Variants in GNB4 observed in about 807,000 individuals in gnomAD.
The protein encoded by GNB4 is G protein subunit beta 4.
GNB4 carries 28 observed loss-of-function variants against 45.2 expected under a neutral mutation model. That is an observed-to-expected ratio of 0.62 (90% CI 0.46 to 0.85). The LOEUF is 0.85. Among genes scored for constraint, GNB4 ranks in the 40% least tolerant of loss-of-function variants. The pLI is 0.00. For missense variants in GNB4, 321 were observed against 425.4 expected (o/e 0.75, Z 2.16); for synonymous variants, 132 against 143.7 (o/e 0.92, Z 0.58).
chr3:179,409,523 A>AC (rs112832798), intron 8 of GNB4, among the ~76,000 whole-genome samples: 28,484 of 146,936 alleles, frequency 0.19, 2,746 homozygotes, highest in Admixed American at 0.24. Context: ...AAAAACAAAA[A>AC]AAAAAAGGCC....
chr3:179,521,399 G>A, the GNB4 span, among the ~76,000 whole-genome samples: 14 of 152,138 alleles, frequency 9.2e-5, no homozygotes, highest in Non-Finnish European at 8.8e-5. Flanking sequence ...GCCTGTCCTC[G>A]GAATGCTACA....
the GNB4 span, among the ~76,000 whole-genome samples, chr3:179,481,305 T>C: frequency 5.9e-5 from 9 of 152,080 alleles, no homozygotes; most frequent in African/African-American, 1.9e-4. Flanking sequence ...AATGAGCGCC[T>C]GGCAAAGTTA....
At chr3:179,410,597 CCT>C (rs1460156233) in intron 8 of GNB4, 3 of 152,168 alleles carry the variant, frequency 2.0e-5, no homozygotes, top group Admixed American at 6.5e-5. Flanking sequence ...CAAACTTCCC[CCT>C]TTTATAAGGA....
At chr3:179,485,876 G>T in the GNB4 span, among the ~76,000 whole-genome samples, 1 of 152,008 alleles carries the variant, frequency 6.6e-6, no homozygotes, top group East Asian at 1.9e-4. Flanking sequence ...GGAGGTGAAG[G>T]TTGCAGTGAG....
the GNB4 span, among the ~76,000 whole-genome samples, chr3:179,486,252 G>A: frequency 6.7e-6 from 1 of 150,178 alleles, no homozygotes; most frequent in Non-Finnish European, 1.5e-5. Context: ...AAAGATGCAT[G>A]TTCTGTAATT....
chr3:179,408,962 A>G (rs1714560426), intron 8 of GNB4, among the ~76,000 whole-genome samples: 1 of 150,382 alleles, frequency 6.6e-6, no homozygotes, highest in Non-Finnish European at 1.5e-5. Context: ...CCTGGGCAAC[A>G]TGGCAAGACC....
the GNB4 span, among the ~76,000 whole-genome samples, chr3:179,527,396 A>G: frequency 1.3e-5 from 2 of 152,236 alleles, no homozygotes; most frequent in African/African-American, 4.8e-5. Flanking sequence ...ACACAAAAGT[A>G]GGAATTGAGA....
intron 3 of GNB4, 61 bp from the exon 4 acceptor site, chr3:179,419,566 A>C: frequency 9.8e-7 from 1 of 1,023,418 alleles, no homozygotes; most frequent in East Asian, 2.4e-5. Flanking sequence ...GATAACTTGA[A>C]CTAGAAACAG....
intron 8 of GNB4, among the ~76,000 whole-genome samples, chr3:179,408,505 TA>T (rs1309022397): frequency 7.9e-5 from 12 of 152,064 alleles, no homozygotes; most frequent in African/African-American, 2.2e-4. Flanking sequence ...AAAATCTGAT[TA>T]GGGGCTCGGT....
chr3:179,495,741 A>C, the GNB4 span, among the ~76,000 whole-genome samples: 1 of 152,152 alleles, frequency 6.6e-6, no homozygotes, highest in African/African-American at 2.4e-5. Flanking sequence ...AATACAGAGG[A>C]ACCCACATAA....
the GNB4 span, among the ~76,000 whole-genome samples, chr3:179,459,605 C>A: frequency 3.3e-5 from 5 of 151,764 alleles, no homozygotes; most frequent in African/African-American, 1.2e-4. Flanking sequence ...TCGCTTGAAC[C>A]TGGGAGGCAG....
chr3:179,452,332 C>G (rs1044533255), upstream of GNB4: 1 of 152,080 alleles, frequency 6.6e-6, no homozygotes, highest in Admixed American at 6.5e-5. Flanking sequence ...CATTTTTCCT[C>G]TCCCCACCCC....
At chr3:179,514,337 C>T in the GNB4 span, among the ~76,000 whole-genome samples, 11 of 152,272 alleles carry the variant, frequency 7.2e-5, no homozygotes, top group Admixed American at 3.9e-4. Flanking sequence ...AAGCAAACAA[C>T]GCTTGATGAA....
the GNB4 span, chr3:179,464,973 C>T: frequency 6.5e-7 from 1 of 1,543,468 alleles, no homozygotes; most frequent in South Asian, 1.1e-5. Flanking sequence ...ATGCCCATTG[C>T]AATGTTACTG....
At chr3:179,443,178 CAT>C (rs756215591) in intron 1 of GNB4, among the ~76,000 whole-genome samples, 5 of 152,184 alleles carry the variant, frequency 3.3e-5, no homozygotes, top group Admixed American at 6.5e-5. Flanking sequence ...AAAATGTTAA[CAT>C]GTGCAATTAC....
At chr3:179,431,623 T>C (rs1399414826) in intron 1 of GNB4, among the ~76,000 whole-genome samples, 3 of 152,212 alleles carry the variant, frequency 2.0e-5, no homozygotes, top group Non-Finnish European at 2.9e-5. Context: ...TTACTTCTTA[T>C]GGTACTGTTT....
chr3:179,508,957 G>A, the GNB4 span, among the ~76,000 whole-genome samples: 2 of 28,868 alleles, frequency 6.9e-5, no homozygotes, highest in Non-Finnish European at 1.2e-4. Flanking sequence ...TATATATATA[G>A]TCCCTGTAAT....
upstream of GNB4, among the ~76,000 whole-genome samples, chr3:179,453,019 A>G (rs557263840): frequency 1.3e-5 from 2 of 152,234 alleles, no homozygotes; most frequent in East Asian, 1.9e-4. Context: ...TTTTATCCCC[A>G]TTTTACAGAT....
At chr3:179,490,762 AG>A in the GNB4 span, among the ~76,000 whole-genome samples, 1 of 152,118 alleles carries the variant, frequency 6.6e-6, no homozygotes, top group South Asian at 2.1e-4. Flanking sequence ...ACCTACTTTG[AG>A]GGTGGATCTT....
Sources: gnomAD v4.1 joint callset for allele counts (sites outside exome capture counted in the v4.1 genomes callset) on GRCh38, gnomAD v4.1.1 for gene constraint, MANE v1.5 for transcripts, NCBI Gene and HGNC (gene_info 2026-07-23, HGNC 2026-07-21) for gene names.